The following CSTF3 variants were observed in gnomAD, a reference collection of about 807,000 sequenced individuals.
CSTF3 encodes the protein CF-1 77 kDa subunit.
Under a neutral mutation model 105.8 loss-of-function variants are expected in CSTF3, and 29 were observed. The observed-to-expected ratio is 0.27, with a 90% CI of 0.20 to 0.37. The LOEUF is 0.37. Among genes scored for constraint, CSTF3 ranks in the 10% least tolerant of loss-of-function variants. The pLI is 1.00. For synonymous variants in CSTF3, 252 were observed against 281.9 expected, an observed-to-expected ratio of 0.89 and a Z score of 1.06; for missense variants, 357 against 879.3, an observed-to-expected ratio of 0.41 and a Z score of 7.51.
intron 17 of CSTF3, among the ~76,000 whole-genome samples, chr11:33,090,023 C>G (rs1451552041): frequency 6.6e-6 from 1 of 152,178 alleles, no homozygotes; most frequent in Non-Finnish European, 1.5e-5. Flanking sequence ...CTAATTCCCC[C>G]AAAGGCCACT....
At chr11:33,100,983 CACAAAT>C (rs1179925229) in intron 10 of CSTF3, among the ~76,000 whole-genome samples, 1 of 152,096 alleles carries the variant, frequency 6.6e-6, no homozygotes. Flanking sequence ...ATAAACAAAA[CACAAAT>C]ACAAAAGCAA....
At position 33,133,049 on chromosome 11, in the gene CSTF3, A is replaced by G. The variant is rs1307420549; in HGVS notation, c.225+8618T>C. ...GAATTGACAGGCATCATTTACAGTA[A>G]ATGATTTTATATTTGACAAAATCCT... On this transcript the variant is annotated intron_variant, in intron 3 of 20. Coordinates refer to ENST00000323959, the MANE Select transcript of CSTF3 (RefSeq NM_001326.3). 2.0e-5 allele frequency among the ~76,000 whole-genome samples: 3 copies of G among 152,102 alleles called. No individual in the cohort carries two copies. In the East Asian group the frequency reaches 5.8e-4, roughly 29 times the overall value.
intron 15 of CSTF3, among the ~76,000 whole-genome samples, chr11:33,093,899 G>A (rs889798528): frequency 2.0e-5 from 3 of 152,068 alleles, no homozygotes; most frequent in Non-Finnish European, 2.9e-5. Context: ...GTAGAGACGG[G>A]GTTTCACCAT....
intron 3 of CSTF3, among the ~76,000 whole-genome samples, chr11:33,131,569 G>A (rs1001575889): frequency 1.2e-4 from 18 of 152,136 alleles, no homozygotes; most frequent in Non-Finnish European, 2.4e-4. Context: ...TGAACAGGCC[G>A]GGTGCGGTGG....
chr11:33,119,753 C>T (rs1855468020), intron 3 of CSTF3, among the ~76,000 whole-genome samples: 1 of 151,742 alleles, frequency 6.6e-6, no homozygotes. Context: ...TACCCTATCA[C>T]TTTTTCCAAG....
chr11:33,128,984 AGT>A lies in CSTF3; in HGVS notation c.225+12681_225+12682del, dbSNP rs1422394645. On this transcript the variant is annotated intron_variant, in intron 3 of 20. Coordinates refer to ENST00000323959, the MANE Select transcript of CSTF3 (RefSeq NM_001326.3). The stretch of plus-strand genomic sequence containing the variant: ...CTCACCATCCCCCATCTTCCCATGC[AGT>A]GTCTGGCATGCATTTACACAACAGA... 3.3e-5 allele frequency among the ~76,000 whole-genome samples: 5 copies of A among 152,306 alleles called. No individual in the cohort carries two copies. The South Asian group carries it at 6.2e-4, about 19-fold the overall frequency.
intron 1 of CSTF3, among the ~76,000 whole-genome samples, chr11:33,159,649 T>C (rs895297048): frequency 2.0e-5 from 3 of 146,422 alleles, no homozygotes; most frequent in Admixed American, 6.9e-5. Flanking sequence ...GGCGCGCGCC[T>C]GTACTCCCAG....
chr11:33,086,961 A>G (rs774417141), intron 18 of CSTF3, 27 bp downstream of exon 18: 9 of 1,613,784 alleles, frequency 5.6e-6, no homozygotes, highest in African/African-American at 1.3e-5. Context: ...CCAACGTCTC[A>G]GTACTGGATC....
chr11:33,097,000 T>C (rs1855229002), intron 13 of CSTF3, 22 bp from the exon 14 acceptor site: 1 of 1,568,166 alleles, frequency 6.4e-7, no homozygotes, highest in Non-Finnish European at 8.7e-7. Context: ...AAAGTATTTG[T>C]GTTCTATAAA....
At chr11:33,130,510 G>A (rs1855587975) in intron 3 of CSTF3, among the ~76,000 whole-genome samples, 1 of 152,036 alleles carries the variant, frequency 6.6e-6, no homozygotes, top group Non-Finnish European at 1.5e-5. Context: ...AGGGAATCTA[G>A]TTTATCCTAT....
Position 33,099,997 on chromosome 11 carries a change from G to A in CSTF3, c.827-280C>T, listed in dbSNP as rs1311301712. ...CAGCCTCGACCTCCTGGGCTCAAGT[G>A]GTTTTCCTGCCTCAGCCTCCCAAGT... On this transcript the variant is annotated intron_variant, in intron 10 of 20. Coordinates refer to ENST00000323959, the MANE Select transcript of CSTF3 (RefSeq NM_001326.3). This position sits in a 1 kb window ranked among gnomAD's most constrained non-coding sequence, Gnocchi z 4.1. Among the ~76,000 whole-genome samples, 1 of 151,954 alleles carries A rather than the reference G, an allele frequency of 6.6e-6. No individual in the cohort carries two copies.
At chr11:33,116,638 T>C (rs1309956106) in intron 3 of CSTF3, among the ~76,000 whole-genome samples, 2 of 152,018 alleles carry the variant, frequency 1.3e-5, no homozygotes, top group African/African-American at 4.8e-5. Context: ...AAAGGCAGAG[T>C]TAAATCTGAC....
At chr11:33,137,243 G>A (rs1855664584) in intron 3 of CSTF3, among the ~76,000 whole-genome samples, 1 of 151,750 alleles carries the variant, frequency 6.6e-6, no homozygotes, top group African/African-American at 2.4e-5. Context: ...GATTTTGCTT[G>A]AAAATAAATG....
At chr11:33,101,708 A>G (rs1334890374) in intron 10 of CSTF3, among the ~76,000 whole-genome samples, 1 of 152,194 alleles carries the variant, frequency 6.6e-6, no homozygotes, top group African/African-American at 2.4e-5. Context: ...TTAAACAGGA[A>G]ATAGGGAAAT....
chr11:33,100,354 CAA>C (rs71034652), intron 10 of CSTF3, among the ~76,000 whole-genome samples: 23 of 127,030 alleles, frequency 1.8e-4, no homozygotes, highest in African/African-American at 3.2e-4. Flanking sequence ...GACTCCATCT[CAA>C]AAAAAAAAAA....
chr11:33,138,318 G>T (rs924184049), intron 3 of CSTF3, among the ~76,000 whole-genome samples: 1 of 151,704 alleles, frequency 6.6e-6, no homozygotes, highest in African/African-American at 2.4e-5. Context: ...CTTACATGTT[G>T]TCACTCATCA....
chr11:33,125,822 AG>A (rs1218429896), intron 3 of CSTF3, among the ~76,000 whole-genome samples: 2 of 152,174 alleles, frequency 1.3e-5, no homozygotes, highest in African/African-American at 4.8e-5. Context: ...GGGCCAAAAC[AG>A]TTTAGGCATT....
chr11:33,089,806 A>G (rs955971601), intron 17 of CSTF3, among the ~76,000 whole-genome samples: 1 of 152,246 alleles, frequency 6.6e-6, no homozygotes, highest in Non-Finnish European at 1.5e-5. Flanking sequence ...AGATCAACCA[A>G]GGACTTCTCT....
intron 3 of CSTF3, among the ~76,000 whole-genome samples, chr11:33,128,762 C>T (rs887724271): frequency 1.3e-4 from 20 of 152,110 alleles, no homozygotes; most frequent in African/African-American, 4.6e-4. Context: ...TAAAAAAACA[C>T]GCCATTCATC....
Sources: allele counts gnomAD v4.1 joint callset (sites outside exome capture counted in the v4.1 genomes callset), GRCh38; gene constraint gnomAD v4.1.1; non-coding constraint Gnocchi (gnomAD v3.1); transcripts MANE v1.5; gene names NCBI Gene and HGNC (gene_info 2026-07-23, HGNC 2026-07-21).